Variants in MTA2 observed in about 807,000 individuals in gnomAD.
MTA2 encodes metastasis associated 1 family member 2, also known as metastasis-associated protein MTA2.
Under a neutral mutation model 87.1 loss-of-function variants are expected in MTA2, and 22 were observed. The observed-to-expected ratio is 0.25, with a 90% CI of 0.18 to 0.36. The LOEUF is 0.36. Among genes scored for constraint, MTA2 ranks in the 10% least tolerant of loss-of-function variants. The pLI is 1.00. For missense variants in MTA2, 542 were observed against 853.2 expected, an observed-to-expected ratio of 0.64 and a Z score of 4.54; for synonymous variants, 314 against 310.1, an observed-to-expected ratio of 1.01 and a Z score of -0.13.
At chr11:62,599,575 A>G (rs1942149215) in intron 3 of MTA2, among the ~76,000 whole-genome samples, 1 of 152,170 alleles carries the variant, frequency 6.6e-6, no homozygotes. Context: ...CAGGAAAGGA[A>G]AAAGAAGCTA....
chr11:62,596,536 A>AG lies in MTA2; in HGVS notation c.883-5dup. On this transcript the variant is annotated splice_region_variant and splice_polypyrimidine_tract_variant and intron_variant, in intron 9 of 17. Coordinates refer to ENST00000278823, the MANE Select transcript of MTA2 (RefSeq NM_004739.4). ...TGGCAAGTGACTTCCAGGGTAGCTAAGGGGGGCAGAGGGAGGAAGAATGAG... is the reference window on the plus strand; with the variant it reads ...TGGCAAGTGACTTCCAGGGTAGCTAAGGGGGGGCAGAGGGAGGAAGAATGAG... 9 of 1,614,074 alleles carry AG rather than the reference A, an allele frequency of 5.6e-6. No homozygotes were observed. The highest frequency in any genetic ancestry group is 7.6e-6 in the Non-Finnish European group (9 of 1,179,940).
intron 10 of MTA2, 46 bp from the exon 11 acceptor site, chr11:62,596,383 G>A (rs960651927): frequency 1.9e-6 from 3 of 1,613,226 alleles, no homozygotes; most frequent in African/African-American, 1.3e-5. Context: ...CCTCATAGCA[G>A]GGAGAATGTC....
chr11:62,593,991 G>A lies in MTA2; in HGVS notation c.1891C>T (p.Arg631Ter), dbSNP rs1440308834. ...THLEMRRAAR[R>*]PNLPLKVKPT... ...TTCACCTTCAGGGGCAAGTTGGGTC[G>A]GCGAGCAGCTCGCCGCATTTCCAGA... is the stretch of plus-strand genomic sequence containing the variant. Residue 631 changes from arginine (R) to a stop codon, truncating the protein, a stop_gained, in exon 18 of 18, where the codon CGA (arginine) becomes TGA (stop). Transcript: ENST00000278823. LOFTEE classifies it high-confidence loss of function. 3.7e-6 allele frequency: 6 copies of A among 1,613,588 alleles called. No individual in the cohort carries two copies. Among genetic ancestry groups the A allele is most frequent in the Admixed American group, 1.7e-5 (1 of 59,952 alleles).
rs752516625 is a variant in MTA2 at position 62,596,812 on chromosome 11, T to C, written c.707A>G (p.Asp236Gly). The C allele has an allele frequency of 1.2e-6, 2 of 1,603,330 alleles. No homozygotes were observed. The highest frequency in any genetic ancestry group is 2.7e-5 in the African/African-American group (2 of 74,308). ...GTCGTAGCCGTTCCTTTGCAAGGTATCCATGGCGTGAAACTATGGGGAAGA... is the reference window on the plus strand; with the variant it reads ...GTCGTAGCCGTTCCTTTGCAAGGTACCCATGGCGTGAAACTATGGGGAAGA... ...SRDITLFHAMDTLQRNGYDLA... is the reference protein window; with the variant it reads ...SRDITLFHAMGTLQRNGYDLA... The change falls in exon 9 of 18, where the codon GAT (aspartate) becomes GGT (glycine). Residue 236 changes from aspartate to glycine, a missense_variant. By Grantham distance (94) the Asp-to-Gly change is moderately conservative. Transcript: ENST00000278823.
chr11:62,596,647 C>A lies in MTA2; in HGVS notation c.872G>T (p.Arg291Leu). Residue 291 changes from arginine to leucine, a missense_variant, in exon 9 of 18, where the codon CGC becomes CTC. Transcript: ENST00000278823. ...EKYGKDFNDIRQDFLPWKSLA... is the reference protein window; with the variant it reads ...EKYGKDFNDILQDFLPWKSLA... ...GTGCCATCCACTTACAAAATCCTGG[C>A]GAATATCATTGAAGTCCTTCCCATA... is the stretch of plus-strand genomic sequence containing the variant. 1 of 1,612,202 alleles carries A rather than the reference C, an allele frequency of 6.2e-7. No homozygotes were observed. The highest frequency in any genetic ancestry group is 8.5e-7 in the Non-Finnish European group (1 of 1,178,864).
intron 1 of MTA2, 85 bp downstream of exon 1, chr11:62,601,338 C>T: frequency 6.5e-7 from 1 of 1,529,460 alleles, no homozygotes. Context: ...TACGCTGCGC[C>T]TCGCGCCACC....
rs1415946197 is a variant in MTA2 at position 62,593,926 on chromosome 11, A to T, written c.1956T>A (p.Pro652=). 1.2e-6 allele frequency: 2 copies of T among 1,614,038 alleles called. No homozygotes were observed. The highest frequency in any genetic ancestry group is 2.2e-5 in the South Asian group (2 of 91,090). Residue 652 remains proline (P), a synonymous_variant, in exon 18 of 18, where the codon CCT becomes CCA. Coordinates refer to ENST00000278823, the MANE Select transcript of MTA2 (RefSeq NM_004739.4). ...LIAVRPPVPL[P]APSHPASTNE... is the part of the protein sequence containing the mutation. ...TGGTGCTGGCAGGATGTGAGGGTGC[A>T]GGTAGAGGGACAGGGGGCCGCACTG...
rs773387876 is a variant in MTA2, at chr11:62,594,969, C to G, written c.1573+12G>C. The G allele has an allele frequency of 2.5e-6, 4 of 1,612,392 alleles. No homozygotes were observed. In the East Asian group the frequency reaches 6.7e-5, roughly 27 times the overall value. On this transcript the variant is annotated intron_variant, in intron 15 of 17. Coordinates refer to ENST00000278823, the MANE Select transcript of MTA2 (RefSeq NM_004739.4). ...GAGCCTGATGCCAACCTCACTGGTC[C>G]CCATCCCATACCCAGATCTTTGACG...
chr11:62,594,092 C>T, intron 17 of MTA2, 52 bp from the exon 18 acceptor site: 1 of 1,554,506 alleles, frequency 6.4e-7, no homozygotes, highest in Non-Finnish European at 8.7e-7. Flanking sequence ...AACATTAAGA[C>T]CTCCAGGTGA....
chr11:62,600,770 G>A (rs1288050549), intron 1 of MTA2, 81 bp from the exon 2 acceptor site: 21 of 1,276,556 alleles, frequency 1.6e-5, no homozygotes, highest in Non-Finnish European at 5.6e-6. Flanking sequence ...AGAGAAAGTT[G>A]GCCTGAGTGG....
chr11:62,595,899 G>T lies in MTA2; in HGVS notation c.1115-8C>A, dbSNP rs1431326573. ...ACTGAGCAGACTGTGTGGCTGTAGA[G>T]TACGGAGAGGAGGGGGACAGGGAAG... On this transcript the variant is annotated splice_polypyrimidine_tract_variant and splice_region_variant and intron_variant, in intron 12 of 17. Coordinates refer to ENST00000278823, the MANE Select transcript of MTA2 (RefSeq NM_004739.4). The surrounding 1 kb of genome is among the most constrained non-coding windows in gnomAD (Gnocchi z 4.9). 5 of 1,614,144 alleles carry T rather than the reference G, an allele frequency of 3.1e-6. No homozygotes were observed. The highest frequency in any genetic ancestry group is 1.7e-5 in the Admixed American group (1 of 60,020).
chr11:62,600,489 C>T, intron 2 of MTA2, 133 bp downstream of exon 2: 1 of 930,224 alleles, frequency 1.1e-6, no homozygotes, highest in South Asian at 1.7e-5. Flanking sequence ...AATAGCCTTT[C>T]CTGAATACAT....
At position 62,597,351 on chromosome 11, in the gene MTA2, T is replaced by A; in HGVS notation, c.658A>T (p.Met220Leu). ...SSSIRQPSLH[M>L]SAAAASRDIT... ...TCTCGGGAGGCAGCAGCTGCACTCA[T>A]GTGCAAGCTTGGCTGCCGAATGGAG... is the stretch of plus-strand genomic sequence containing the variant. Residue 220 changes from methionine (M) to leucine (L), a missense_variant, in exon 8 of 18, where the codon ATG becomes TTG. Met to Leu is a conservative substitution (Grantham distance 15). Coordinates refer to ENST00000278823, the MANE Select transcript of MTA2 (RefSeq NM_004739.4). The A allele has an allele frequency of 6.2e-7, 1 of 1,611,864 alleles. No individual in the cohort carries two copies. Among genetic ancestry groups the A allele is most frequent in the Non-Finnish European group, 8.5e-7 (1 of 1,179,288 alleles).
Position 62,593,737 on chromosome 11 carries a change from C to A in MTA2, c.*138G>T. The A allele has an allele frequency of 9.0e-7, 1 of 1,112,306 alleles. No individual in the cohort carries two copies. 68.9% of individuals were successfully genotyped at this position (1,112,306 alleles called of 1,614,324 possible). ...GGTGGTAACACCAGAGGGCGCCCAA[C>A]CCCTCCAGGGACACACACTCACTTG... On this transcript the variant is annotated 3_prime_UTR_variant, in exon 18 of 18. Transcript: ENST00000278823.
At chr11:62,596,942 C>G in intron 8 of MTA2, 117 bp from the exon 9 acceptor site, 1 of 1,027,672 alleles carries the variant, frequency 9.7e-7, no homozygotes, top group Non-Finnish European at 1.4e-6. Flanking sequence ...ATAATCCCAG[C>G]ACTTTGGGAA....
Position 62,595,317 on chromosome 11 carries a change from C to T in MTA2, c.1430G>A (p.Arg477Lys). Residue 477 changes from arginine (R) to lysine (K), a missense_variant, in exon 14 of 18, where the codon AGG (arginine) becomes AAG (lysine). Arg to Lys is a conservative substitution (Grantham distance 26). Coordinates refer to ENST00000278823, the MANE Select transcript of MTA2 (RefSeq NM_004739.4). The surrounding 1 kb of genome is among the most constrained non-coding windows in gnomAD (Gnocchi z 4.9). ...RMCRDLLQPR[R>K]AARRPYAPIN... ...AGGAGCATAAGGCCGTCGGGCGGCC[C>T]TCCTTGGCTGTAATAGGTCCCTGCA... 1 of 1,614,236 alleles carries T rather than the reference C, an allele frequency of 6.2e-7. No homozygotes were observed. The highest frequency in any genetic ancestry group is 8.5e-7 in the Non-Finnish European group (1 of 1,180,038).
At chr11:62,599,148 C>G (rs1049037403) in intron 3 of MTA2, 1 of 157,014 alleles carries the variant, frequency 6.4e-6, no homozygotes, top group Non-Finnish European at 1.4e-5. Flanking sequence ...CAACACCTCT[C>G]AAGCCAGTGC....
intron 3 of MTA2, 50 bp downstream of exon 3, chr11:62,600,116 C>A (rs373180673): frequency 6.5e-7 from 1 of 1,534,764 alleles, no homozygotes. Context: ...GGGACATGCC[C>A]AGGCCTCAGA....
intron 11 of MTA2, 78 bp from the exon 12 acceptor site, chr11:62,596,185 C>T: frequency 1.3e-6 from 2 of 1,590,928 alleles, no homozygotes; most frequent in Non-Finnish European, 1.7e-6. Flanking sequence ...TCTCAGTGTG[C>T]CCCTACCTCC....
Sources: gnomAD v4.1 joint callset for allele counts (sites outside exome capture counted in the v4.1 genomes callset) on GRCh38, gnomAD v4.1.1 for gene constraint, Gnocchi (gnomAD v3.1) non-coding constraint, MANE v1.5 for transcripts, NCBI Gene and HGNC (gene_info 2026-07-23, HGNC 2026-07-21) for gene names.